ST6GALNAC5: variants seen among roughly 807,000 people sequenced by gnomAD.
ST6GALNAC5 encodes ST6 N-acetylgalactosaminide alpha-2,6-sialyltransferase 5.
A neutral mutation model predicts 33.6 loss-of-function variants in ST6GALNAC5; 27 were observed. The ratio of observed to expected loss-of-function variants is 0.80; its 90% CI spans 0.59 to 1.11. The LOEUF (loss-of-function observed/expected upper bound fraction) is 1.11. Among genes scored for constraint, ST6GALNAC5 ranks in the 50% least tolerant of loss-of-function variants. The pLI is 0.00. For missense variants in ST6GALNAC5, 428 were observed against 454.0 expected, an observed-to-expected ratio of 0.94 and a Z score of 0.52; for synonymous variants, 194 against 171.2, an observed-to-expected ratio of 1.13 and a Z score of -1.04.
intron 2 of ST6GALNAC5, among the ~76,000 whole-genome samples, chr1:77,009,387 A>G (rs959091461): frequency 8.5e-5 from 13 of 152,166 alleles, no homozygotes; most frequent in African/African-American, 2.9e-4. Context: ...GGAGCCATGT[A>G]AGTTGTATAA....
chr1:76,903,205 C>T (rs1021065409), intron 2 of ST6GALNAC5, among the ~76,000 whole-genome samples: 1 of 152,054 alleles, frequency 6.6e-6, no homozygotes, highest in African/African-American at 2.4e-5. Context: ...AACAAATTAA[C>T]CCAATTTTAA....
At chr1:76,969,343 T>C (rs1648640359) in intron 2 of ST6GALNAC5, among the ~76,000 whole-genome samples, 1 of 152,126 alleles carries the variant, frequency 6.6e-6, no homozygotes, top group Admixed American at 6.5e-5. Context: ...GCTTTTCCAA[T>C]GGTCTTAGCA....
chr1:76,969,646 C>A (rs1484904640), intron 2 of ST6GALNAC5, among the ~76,000 whole-genome samples: 1 of 152,196 alleles, frequency 6.6e-6, no homozygotes, highest in Non-Finnish European at 1.5e-5. Context: ...CTTAAACGTC[C>A]CTGTCTGACA....
In ST6GALNAC5 at chr1:76,868,232, C is replaced by G. The variant is rs1002836844; in HGVS notation, c.16-265C>G. On this transcript the variant is annotated intron_variant, in intron 1 of 4. Transcript: ENST00000477717. This position sits in a 1 kb window ranked among gnomAD's most constrained non-coding sequence, Gnocchi z 4.3. Reference sequence around the variant, plus strand: ...GTCCTCGGCCCCGGCGCGCTCCCTCCCTCAGCCCGGGGCCGTACACCACCT... The same window carrying G: ...GTCCTCGGCCCCGGCGCGCTCCCTCGCTCAGCCCGGGGCCGTACACCACCT... Among the ~76,000 whole-genome samples, 6 of 152,062 alleles carry G rather than the reference C, an allele frequency of 3.9e-5. No individual in the cohort carries two copies. Among genetic ancestry groups the G allele is most frequent in the African/African-American group, 1.4e-4 (6 of 41,428 alleles).
intron 2 of ST6GALNAC5, among the ~76,000 whole-genome samples, chr1:77,006,771 A>T (rs966241775): frequency 4.6e-5 from 7 of 152,210 alleles, no homozygotes; most frequent in Admixed American, 1.3e-4. Flanking sequence ...GCTCACAATT[A>T]TACTGGGTGG....
chr1:77,050,352 C>T lies in ST6GALNAC5; in HGVS notation c.766C>T (p.Pro256Ser), dbSNP rs765420431. 1.2e-6 allele frequency: 2 copies of T among 1,613,788 alleles called. No individual in the cohort carries two copies. Among genetic ancestry groups the T allele is most frequent in the African/African-American group, 1.3e-5 (1 of 74,900 alleles). The stretch of plus-strand genomic sequence containing the variant: ...GATCAATGTTTATGGCATGGTGCCC[C>T]CAGACTTCTGCAGGTAGGATTTATT... The part of the protein sequence containing the change: ...DRINVYGMVP[P>S]DFCRDPNHPS... Residue 256 changes from proline to serine, a missense_variant, in exon 4 of 5, where the codon CCA becomes TCA. Transcript: ENST00000477717.
At chr1:76,875,757 A>G (rs770824395) in intron 2 of ST6GALNAC5, among the ~76,000 whole-genome samples, 1 of 152,074 alleles carries the variant, frequency 6.6e-6, no homozygotes, top group Admixed American at 6.5e-5. Context: ...TGGGAGAAAC[A>G]GTACCATATA....
intron 2 of ST6GALNAC5, chr1:76,869,204 G>A (rs1365125418): frequency 5.6e-6 from 1 of 179,958 alleles, no homozygotes; most frequent in Non-Finnish European, 1.2e-5. Context: ...GTTCCCCTCT[G>A]ATCTCTCCAG....
chr1:76,880,076 G>T (rs1177927654), intron 2 of ST6GALNAC5, among the ~76,000 whole-genome samples: 1 of 152,148 alleles, frequency 6.6e-6, no homozygotes, highest in Non-Finnish European at 1.5e-5. Flanking sequence ...GAATCCCTGA[G>T]TTCATCATTT....
chr1:76,905,242 A>C (rs761760085), intron 2 of ST6GALNAC5, among the ~76,000 whole-genome samples: 1 of 152,192 alleles, frequency 6.6e-6, no homozygotes, highest in Admixed American at 6.5e-5. Context: ...AGGTGGCGGG[A>C]TAACTACTTA....
intron 2 of ST6GALNAC5, among the ~76,000 whole-genome samples, chr1:76,873,922 C>A (rs901851942): frequency 6.6e-6 from 1 of 152,122 alleles, no homozygotes; most frequent in African/African-American, 2.4e-5. Flanking sequence ...AGAACACAAT[C>A]CCTACCCTCA....
intron 2 of ST6GALNAC5, among the ~76,000 whole-genome samples, chr1:76,978,609 T>A (rs1321411235): frequency 1.3e-5 from 2 of 152,192 alleles, no homozygotes; most frequent in Non-Finnish European, 2.9e-5. Flanking sequence ...ACAAATTGCA[T>A]ATCAAAGGAA....
intron 2 of ST6GALNAC5, among the ~76,000 whole-genome samples, chr1:76,997,653 T>C (rs1314039749): frequency 6.6e-6 from 1 of 152,182 alleles, no homozygotes; most frequent in African/African-American, 2.4e-5. Context: ...ACTTAATGTC[T>C]ATAGTTCAGG....
intron 2 of ST6GALNAC5, among the ~76,000 whole-genome samples, chr1:77,004,239 A>G (rs1650295268): frequency 1.3e-5 from 2 of 150,150 alleles, no homozygotes; most frequent in South Asian, 2.1e-4. Flanking sequence ...CATTTCATTC[A>G]TTTCATCTTC....
chr1:76,973,910 A>AT (rs78541791), intron 2 of ST6GALNAC5, among the ~76,000 whole-genome samples: 3 of 151,310 alleles, frequency 2.0e-5, no homozygotes, highest in Non-Finnish European at 4.4e-5. Context: ...TTCTGTTTGG[A>AT]TTATTAGCCT....
At chr1:76,883,094 A>G (rs779108835) in intron 2 of ST6GALNAC5, among the ~76,000 whole-genome samples, 2 of 152,202 alleles carry the variant, frequency 1.3e-5, no homozygotes, top group South Asian at 2.1e-4. Flanking sequence ...AGTCAATCAC[A>G]TATTGACTGA....
At chr1:76,944,492 A>T (rs1169931565) in intron 2 of ST6GALNAC5, among the ~76,000 whole-genome samples, 1 of 151,992 alleles carries the variant, frequency 6.6e-6, no homozygotes, top group Non-Finnish European at 1.5e-5. Context: ...CTAATTATTT[A>T]TTCTGCAACT....
chr1:76,924,242 A>G (rs1175577630), intron 2 of ST6GALNAC5, among the ~76,000 whole-genome samples: 1 of 152,132 alleles, frequency 6.6e-6, no homozygotes, highest in Non-Finnish European at 1.5e-5. Context: ...TTCCAATTTC[A>G]ACTGCGAGAT....
At chr1:76,993,708 T>C (rs754012476) in intron 2 of ST6GALNAC5, among the ~76,000 whole-genome samples, 33 of 152,324 alleles carry the variant, frequency 2.2e-4, no homozygotes, top group Middle Eastern at 3.4e-3. Context: ...AGCAGTTAAT[T>C]CTCTACTACG....
Sources: allele counts gnomAD v4.1 joint callset (sites outside exome capture counted in the v4.1 genomes callset), GRCh38; gene constraint gnomAD v4.1.1; non-coding constraint Gnocchi (gnomAD v3.1); transcripts MANE v1.5; gene names NCBI Gene and HGNC (gene_info 2026-07-23, HGNC 2026-07-21).